CDC42EP3: variants seen among roughly 807,000 people sequenced by gnomAD.
CDC42EP3 encodes CDC42 effector protein 3, also known as CDC42 effector protein (Rho GTPase binding) 3.
A neutral mutation model predicts 15.5 loss-of-function variants in CDC42EP3; 4 were observed. The ratio of observed to expected loss-of-function variants is 0.26; its 90% confidence interval spans 0.13 to 0.59. The LOEUF is 0.59. Among genes scored for constraint, CDC42EP3 ranks in the 20% least tolerant of loss-of-function variants. The pLI is 0.89. For missense variants in CDC42EP3, 309 were observed against 311.2 expected (o/e 0.99, Z 0.05); for synonymous variants, 145 against 130.3 (o/e 1.11, Z -0.77).
intron 1 of CDC42EP3, among the ~76,000 whole-genome samples, chr2:37,651,166 A>G (rs1665664657): frequency 2.0e-5 from 3 of 152,234 alleles, no homozygotes; most frequent in South Asian, 4.1e-4. Context: ...GTGTATTTAT[A>G]TTTGTACTGG....
At chr2:37,663,637 C>T (rs903212034) in intron 1 of CDC42EP3, among the ~76,000 whole-genome samples, 8 of 152,228 alleles carry the variant, frequency 5.3e-5, no homozygotes, top group African/African-American at 1.7e-4. Flanking sequence ...ACTCCCCTTG[C>T]ATTTGAATGT....
At position 37,655,741 on chromosome 2, in the gene CDC42EP3, G is replaced by C. The variant is rs183472678; in HGVS notation, c.-235-8919C>G. 2.9e-3 allele frequency among the ~76,000 whole-genome samples: 443 copies of C among 152,272 alleles called. 1 individual carries two copies. The highest frequency in any genetic ancestry group is 4.6e-3 in the Non-Finnish European group (315 of 68,006). ...TTTCCATAACTAATGGATCTGACTT[G>C]GTCTGTGATGCTGCAAGGACAATAT... On this transcript the variant is annotated intron_variant, in intron 1 of 1. Coordinates refer to ENST00000295324, the MANE Select transcript of CDC42EP3 (RefSeq NM_006449.5).
chr2:37,646,642 C>T lies in CDC42EP3; in HGVS notation c.-55G>A. 1 of 1,439,544 alleles carries T rather than the reference C, an allele frequency of 6.9e-7. No individual in the cohort carries two copies. The highest frequency in any genetic ancestry group is 1.4e-5 in the South Asian group (1 of 72,086). The allele number at this position is 1,439,544 out of a possible 1,614,324, so 89.2% of individuals were successfully genotyped here. ...GCGGGAGAAAGGGCCACTTTCTTCACAGATGGTATATGTTTCTGAATCCTT... is the reference window on the plus strand; with the variant it reads ...GCGGGAGAAAGGGCCACTTTCTTCATAGATGGTATATGTTTCTGAATCCTT... On this transcript the variant is annotated 5_prime_UTR_variant, in exon 2 of 2. It adds an upstream start codon to the 5' untranslated region. Transcript: ENST00000295324.
chr2:37,659,413 AT>A (rs1665984688), intron 1 of CDC42EP3, among the ~76,000 whole-genome samples: 1 of 152,228 alleles, frequency 6.6e-6, no homozygotes, highest in Non-Finnish European at 1.5e-5. Flanking sequence ...ATGCAGGGTA[AT>A]AATTTAACAG....
intron 1 of CDC42EP3, among the ~76,000 whole-genome samples, chr2:37,661,132 T>C (rs1422645724): frequency 1.4e-5 from 2 of 143,510 alleles, no homozygotes; most frequent in African/African-American, 5.1e-5. Context: ...TGTGTGTGCG[T>C]GTGTGTATAG....
intron 1 of CDC42EP3, among the ~76,000 whole-genome samples, chr2:37,649,273 G>C (rs2124613354): frequency 6.6e-6 from 1 of 151,296 alleles, no homozygotes; most frequent in African/African-American, 2.4e-5. Flanking sequence ...CAACATAATG[G>C]GACCTCATCT....
chr2:37,667,944 T>A (rs1666295132), intron 1 of CDC42EP3, among the ~76,000 whole-genome samples: 2 of 152,186 alleles, frequency 1.3e-5, no homozygotes, highest in Admixed American at 6.5e-5. Context: ...AAGAGCAATA[T>A]AATAGTCTGC....
chr2:37,672,633 C>G (rs1465600750), upstream of CDC42EP3: 1 of 152,238 alleles, frequency 6.6e-6, no homozygotes, highest in South Asian at 2.1e-4. Context: ...CTTCCTCCTC[C>G]GCGAGTCGTC....
Position 37,646,662 on chromosome 2 carries a change from A to G in CDC42EP3, c.-75T>C. On this transcript the variant is annotated 5_prime_UTR_variant, in exon 2 of 2. Coordinates refer to ENST00000295324, the MANE Select transcript of CDC42EP3 (RefSeq NM_006449.5). Reference sequence around the variant, plus strand: ...CTTCACAGATGGTATATGTTTCTGAATCCTTTTTGATAGGAACTGTCACAT... The same window carrying G: ...CTTCACAGATGGTATATGTTTCTGAGTCCTTTTTGATAGGAACTGTCACAT... 1.5e-6 allele frequency: 2 copies of G among 1,347,256 alleles called. No homozygotes were observed. The highest frequency in any genetic ancestry group is 2.0e-6 in the Non-Finnish European group (2 of 987,774). 83.5% of individuals were successfully genotyped at this position (1,347,256 alleles called of 1,614,324 possible).
intron 1 of CDC42EP3, among the ~76,000 whole-genome samples, chr2:37,669,465 C>T (rs1666341472): frequency 6.6e-6 from 1 of 152,168 alleles, no homozygotes; most frequent in South Asian, 2.1e-4. Flanking sequence ...TCATCTTGCA[C>T]CGCACTTAAA....
At chr2:37,649,670 G>A (rs555208271) in intron 1 of CDC42EP3, among the ~76,000 whole-genome samples, 6 of 152,138 alleles carry the variant, frequency 3.9e-5, no homozygotes, top group African/African-American at 1.4e-4. Flanking sequence ...GCACCCACCA[G>A]GGAGCAAGAT....
intron 1 of CDC42EP3, among the ~76,000 whole-genome samples, chr2:37,655,476 T>C (rs1025210786): frequency 2.6e-5 from 4 of 152,202 alleles, no homozygotes; most frequent in Admixed American, 1.3e-4. Flanking sequence ...TCTGCACTTT[T>C]GAACAGAGGC....
intron 1 of CDC42EP3, among the ~76,000 whole-genome samples, chr2:37,661,869 C>G (rs962307605): frequency 6.6e-6 from 1 of 152,086 alleles, no homozygotes; most frequent in Admixed American, 6.5e-5. Flanking sequence ...ATATATCAGG[C>G]TTAAGATTTT....
At chr2:37,657,910 T>C (rs556367515) in intron 1 of CDC42EP3, among the ~76,000 whole-genome samples, 3 of 152,298 alleles carry the variant, frequency 2.0e-5, no homozygotes, top group Admixed American at 2.0e-4. Context: ...TGGCCTCAAA[T>C]CTCAGTAGTG....
At chr2:37,659,044 T>C (rs1665970667) in intron 1 of CDC42EP3, among the ~76,000 whole-genome samples, 1 of 152,236 alleles carries the variant, frequency 6.6e-6, no homozygotes, top group South Asian at 2.1e-4. Flanking sequence ...CAGTTCCCCA[T>C]GGCATCCTAA....
At chr2:37,656,992 CCCCCG>C (rs1381807315) in intron 1 of CDC42EP3, among the ~76,000 whole-genome samples, 4 of 87,594 alleles carry the variant, frequency 4.6e-5, no homozygotes, top group African/African-American at 1.6e-4. Context: ...CCCCCCCCAC[CCCCCG>C]CCCCCCGCCA....
At chr2:37,651,732 G>A (rs552067083) in intron 1 of CDC42EP3, among the ~76,000 whole-genome samples, 62 of 152,334 alleles carry the variant, frequency 4.1e-4, no homozygotes, top group East Asian at 2.5e-3. Context: ...GGGCATGAGC[G>A]AGGAGGGAAG....
In CDC42EP3 at chr2:37,644,072, T is replaced by C. The variant is rs1279597651; in HGVS notation, c.*1751A>G. 1 of 150,844 alleles carries C rather than the reference T, an allele frequency of 6.6e-6. No homozygotes were observed. The highest frequency in any genetic ancestry group is 2.4e-5 in the African/African-American group (1 of 41,028). The allele number at this position is 150,844 out of a possible 1,614,324, so 9.3% of individuals were successfully genotyped here. On this transcript the variant is annotated 3_prime_UTR_variant, in exon 2 of 2. Coordinates refer to ENST00000295324, the MANE Select transcript of CDC42EP3 (RefSeq NM_006449.5). Reference sequence around the variant, plus strand: ...GTGTTTTACATGTGGCCCAAGAAAATTCTTCCAATGCGGTCCAGGGAAGCT... The same window carrying C: ...GTGTTTTACATGTGGCCCAAGAAAACTCTTCCAATGCGGTCCAGGGAAGCT...
rs1251225412 is a variant in CDC42EP3 at position 37,645,273 on chromosome 2, A to G, written c.*550T>C. ...AGTCAAAATTTTGCAATATAGATAT[A>G]ATATATAGGGATATATAAGAACTAC... On this transcript the variant is annotated 3_prime_UTR_variant, in exon 2 of 2. Coordinates refer to ENST00000295324, the MANE Select transcript of CDC42EP3 (RefSeq NM_006449.5). The G allele has an allele frequency of 6.6e-6, 1 of 152,664 alleles. No individual in the cohort carries two copies. The highest frequency in any genetic ancestry group is 1.5e-5 in the Non-Finnish European group (1 of 68,042). The allele number at this position is 152,664 out of a possible 1,614,324, so 9.5% of individuals were successfully genotyped here.
Sources: allele counts gnomAD v4.1 joint callset (sites outside exome capture counted in the v4.1 genomes callset), GRCh38; gene constraint gnomAD v4.1.1; transcripts MANE v1.5; gene names NCBI Gene and HGNC (gene_info 2026-07-23, HGNC 2026-07-21).